Variants in STPG2 observed in about 807,000 individuals in gnomAD.
STPG2 encodes sperm-tail PG-rich repeat-containing protein 2.
A neutral mutation model predicts 54.2 loss-of-function variants in STPG2; 56 were observed. The ratio of observed to expected loss-of-function variants is 1.03; its 90% confidence interval spans 0.83 to 1.29. STPG2 has a LOEUF of 1.29. Ranked by LOEUF, STPG2 falls within the 50% of genes most tolerant of loss-of-function variation. The pLI is 0.00. For synonymous variants in STPG2, 200 were observed against 181.8 expected (o/e 1.10, Z -0.81); for missense variants, 596 against 544.9 (o/e 1.09, Z -0.93).
intron 9 of STPG2, among the ~76,000 whole-genome samples, chr4:97,781,430 C>T (rs1726608723): frequency 6.6e-6 from 1 of 152,056 alleles, no homozygotes; most frequent in Admixed American, 6.6e-5. Context: ...GAAATTGAGG[C>T]AATAATTAAT....
intron 10 of STPG2, among the ~76,000 whole-genome samples, chr4:97,588,958 C>A (rs1228043532): frequency 2.0e-5 from 3 of 152,036 alleles, no homozygotes; most frequent in African/African-American, 7.2e-5. Context: ...CTCTACTTTG[C>A]AGATGAAAAA....
chr4:97,553,110 A>T (rs1732002242), intron 4 of STPG2, among the ~76,000 whole-genome samples: 1 of 152,142 alleles, frequency 6.6e-6, no homozygotes, highest in Admixed American at 6.5e-5. Flanking sequence ...AATTTTCTCT[A>T]CTATGGTAGC....
chr4:98,007,231 G>C (rs891044847), intron 5 of STPG2, among the ~76,000 whole-genome samples: 20 of 152,124 alleles, frequency 1.3e-4, no homozygotes, highest in Admixed American at 1.2e-3. Context: ...CTGTCCTAGA[G>C]GTCAGTCTAC....
At chr4:97,517,822 T>G (rs1731105761) in intron 4 of STPG2, among the ~76,000 whole-genome samples, 1 of 152,116 alleles carries the variant, frequency 6.6e-6, no homozygotes, top group Non-Finnish European at 1.5e-5. Flanking sequence ...GCAGTTTAAA[T>G]GTTAACAACT....
At chr4:97,848,659 C>A (rs965786646) in intron 8 of STPG2, among the ~76,000 whole-genome samples, 1 of 152,058 alleles carries the variant, frequency 6.6e-6, no homozygotes, top group African/African-American at 2.4e-5. Context: ...TTTAATCCAT[C>A]GTGAATTGAT....
At chr4:98,083,855 T>C (rs554985345) in intron 5 of STPG2, among the ~76,000 whole-genome samples, 15 of 152,278 alleles carry the variant, frequency 9.9e-5, no homozygotes, top group Admixed American at 8.5e-4. Flanking sequence ...GCTAATCTAT[T>C]TTCTTTTTTG....
At chr4:97,797,377 C>T (rs1021199243) in intron 9 of STPG2, among the ~76,000 whole-genome samples, 3 of 152,088 alleles carry the variant, frequency 2.0e-5, no homozygotes, top group African/African-American at 7.2e-5. Context: ...TACCTAATTT[C>T]TTGAGAGTTT....
Position 97,897,862 on chromosome 4 carries a change from T to C in STPG2, c.1044+46035A>G, listed in dbSNP as rs540450769. Among the ~76,000 whole-genome samples the C allele has an allele frequency of 2.0e-5, 3 of 152,348 alleles. No individual in the cohort carries two copies. The South Asian group carries it at 6.2e-4, about 32-fold the overall frequency. On this transcript the variant is annotated intron_variant, in intron 8 of 10. Coordinates refer to ENST00000295268, the MANE Select transcript of STPG2 (RefSeq NM_174952.3). ...TCCTCCCATTCTGTAGGTTGTCTGT[T>C]CACTCTGTTGATAGCCTCCTTTGCC...
intron 10 of STPG2, among the ~76,000 whole-genome samples, chr4:97,579,451 C>G (rs956448009): frequency 1.3e-5 from 2 of 151,808 alleles, no homozygotes; most frequent in Non-Finnish European, 2.9e-5. Context: ...GAATAAAATA[C>G]TTATCTTGTT....
chr4:97,892,968 G>A (rs940766125), intron 8 of STPG2: 2 of 152,128 alleles, frequency 1.3e-5, no homozygotes, highest in Admixed American at 1.3e-4. Context: ...AACAGAAAGA[G>A]ATGAGTATTC....
intron 5 of STPG2, among the ~76,000 whole-genome samples, chr4:98,041,079 T>A (rs1736939210): frequency 6.6e-6 from 1 of 151,868 alleles, no homozygotes; most frequent in Admixed American, 6.6e-5. Flanking sequence ...CCTAGGTATT[T>A]TATTATTTTT....
intron 5 of STPG2, among the ~76,000 whole-genome samples, chr4:97,996,738 GAACA>G (rs1735253645): frequency 8.1e-6 from 1 of 123,772 alleles, no homozygotes; most frequent in East Asian, 2.1e-4. Context: ...AACAAGCAAA[GAACA>G]AACAGCCCCC....
chr4:98,078,278 A>T (rs922209445), intron 5 of STPG2, among the ~76,000 whole-genome samples: 6 of 152,280 alleles, frequency 3.9e-5, no homozygotes, highest in African/African-American at 1.2e-4. Flanking sequence ...AATTTTCATA[A>T]TATATTTTTC....
chr4:97,539,170 A>G (rs1731624464), intron 4 of STPG2, among the ~76,000 whole-genome samples: 1 of 152,232 alleles, frequency 6.6e-6, no homozygotes, highest in Non-Finnish European at 1.5e-5. Flanking sequence ...TCATAATGAC[A>G]GGATCAAATT....
intron 9 of STPG2, among the ~76,000 whole-genome samples, chr4:97,722,964 ATTTT>A (rs3974903): frequency 3.0e-4 from 35 of 116,334 alleles, no homozygotes; most frequent in African/African-American, 9.3e-4. Context: ...CACCCGGCTA[ATTTT>A]TTTTTTTTTT....
intron 9 of STPG2, among the ~76,000 whole-genome samples, chr4:97,830,771 C>A (rs1324113316): frequency 6.6e-6 from 1 of 152,064 alleles, no homozygotes; most frequent in Non-Finnish European, 1.5e-5. Context: ...TCAAAAGAGA[C>A]AAAGAGGGTA....
chr4:97,751,548 G>A (rs558936332), intron 9 of STPG2, among the ~76,000 whole-genome samples: 149 of 151,818 alleles, frequency 9.8e-4, no homozygotes, highest in South Asian at 2.7e-3. Flanking sequence ...ATATTTTTAC[G>A]AGGAAATTTT....
At chr4:97,819,075 T>C (rs1053969500) in intron 9 of STPG2, among the ~76,000 whole-genome samples, 1 of 151,242 alleles carries the variant, frequency 6.6e-6, no homozygotes, top group African/African-American at 2.4e-5. Flanking sequence ...AAAATTTCTA[T>C]CATTTCGAAT....
At chr4:97,666,336 G>C (rs1327052271) in intron 10 of STPG2, among the ~76,000 whole-genome samples, 1 of 152,102 alleles carries the variant, frequency 6.6e-6, no homozygotes, top group East Asian at 1.9e-4. Context: ...GTTATAGAGT[G>C]GCAAGAGAAG....
Sources: gnomAD v4.1 joint callset for allele counts (sites outside exome capture counted in the v4.1 genomes callset) on GRCh38, gnomAD v4.1.1 for gene constraint, MANE v1.5 for transcripts, NCBI Gene and HGNC (gene_info 2026-07-23, HGNC 2026-07-21) for gene names.